CHIA: variants seen among roughly 807,000 people sequenced by gnomAD.
CHIA encodes the protein acidic mammalian chitinase.
In CHIA, 47 loss-of-function variants were observed where a neutral mutation model predicts 53.5. The observed-to-expected ratio is 0.88, with a 90% CI of 0.70 to 1.12. The LOEUF (loss-of-function observed/expected upper bound fraction) is 1.12, where lower values mean the gene tolerates loss of function less well. Ranked by LOEUF, CHIA falls within the 50% of genes most tolerant of loss-of-function variation. CHIA has a pLI of 0.00. For missense variants in CHIA, 652 were observed against 592.2 expected (o/e 1.10, Z -1.05); for synonymous variants, 268 against 222.2 (o/e 1.21, Z -1.83).
rs1648725602 is a variant in CHIA at position 111,312,099 on chromosome 1, CAGGG to C, written c.56-85_56-82del. 12 of 961,602 alleles carry C rather than the reference CAGGG, an allele frequency of 1.2e-5. No homozygotes were observed. In the South Asian group the frequency reaches 1.5e-4, roughly 12 times the overall value. 59.6% of individuals were successfully genotyped at this position (961,602 alleles called of 1,614,324 possible). A position where few individuals can be genotyped will look rare whatever the true frequency, so the allele number is the denominator to read the frequency against. On this transcript the variant is annotated intron_variant, in intron 3 of 11. Coordinates refer to ENST00000369740, the MANE Select transcript of CHIA (RefSeq NM_201653.4). ...ACACAGAGATCAGGCATCTGAGGCA[CAGGG>C]AGGGAAACAGAGGCAAGGCCAAAAC...
At chr1:111,293,699 C>T (rs1345889075) in intron 1 of CHIA, among the ~76,000 whole-genome samples, 1 of 152,154 alleles carries the variant, frequency 6.6e-6, no homozygotes, top group Non-Finnish European at 1.5e-5. Context: ...ATGTTTTCTT[C>T]TAAGAATTTT....
intron 2 of CHIA, among the ~76,000 whole-genome samples, chr1:111,311,349 G>T (rs1648653249): frequency 6.6e-6 from 1 of 152,198 alleles, no homozygotes; most frequent in Non-Finnish European, 1.5e-5. Context: ...TATCACTCAG[G>T]TAGGGGAAGA....
At chr1:111,312,791 C>G (rs1015040202) in intron 4 of CHIA, among the ~76,000 whole-genome samples, 1 of 151,990 alleles carries the variant, frequency 6.6e-6, no homozygotes, top group South Asian at 2.1e-4. Flanking sequence ...CCAACATGCC[C>G]CCCAACCCCC....
At position 111,311,719 on chromosome 1, in the gene CHIA, G is replaced by A. The variant is rs1386989568; in HGVS notation, c.55+1G>A. On this transcript the variant is annotated splice_donor_variant, in intron 3 of 11. Transcript: ENST00000369740. LOFTEE classifies it high-confidence loss of function. ...GTCCTTATACTGAATTTGCAGCTCG[G>A]TAAGTCATGGACTCCATGTTTTATC... The A allele has an allele frequency of 1.2e-6, 2 of 1,613,452 alleles. No individual in the cohort carries two copies. Among genetic ancestry groups the A allele is most frequent in the Non-Finnish European group, 1.7e-6 (2 of 1,179,702 alleles).
At chr1:111,317,832 T>G in intron 7 of CHIA, 27 bp downstream of exon 7, 1 of 1,613,688 alleles carries the variant, frequency 6.2e-7, no homozygotes. Flanking sequence ...ATCTTCAAAC[T>G]CCTGGAGGTG....
intron 4 of CHIA, among the ~76,000 whole-genome samples, chr1:111,312,716 C>A (rs1648787837): frequency 6.6e-6 from 1 of 152,080 alleles, no homozygotes; most frequent in South Asian, 2.1e-4. Flanking sequence ...ACAATAGTAA[C>A]CATGTTGTAC....
chr1:111,291,195 TAA>T (rs1227880048), intron 1 of CHIA, among the ~76,000 whole-genome samples: 3 of 152,108 alleles, frequency 2.0e-5, no homozygotes, highest in African/African-American at 4.8e-5. Context: ...CATTCTACTA[TAA>T]AGACACATGC....
chr1:111,315,854 G>A, intron 6 of CHIA: 1 of 448,114 alleles, frequency 2.2e-6, no homozygotes, highest in South Asian at 1.6e-5. Flanking sequence ...CATTACACTA[G>A]GCTGCCCGTT....
intron 1 of CHIA, among the ~76,000 whole-genome samples, chr1:111,301,722 AAAAAG>A (rs1484610012): frequency 1.3e-5 from 2 of 151,764 alleles, no homozygotes; most frequent in African/African-American, 2.4e-5. Context: ...AAAAAAAAAA[AAAAAG>A]ATGAGTTCCT....
chr1:111,304,338 C>T (rs1025600290), intron 1 of CHIA, among the ~76,000 whole-genome samples: 1 of 152,078 alleles, frequency 6.6e-6, no homozygotes, highest in Non-Finnish European at 1.5e-5. Context: ...TCCTTTCTTT[C>T]TCTTTTATTT....
At chr1:111,299,693 C>A (rs2101612127) in intron 1 of CHIA, among the ~76,000 whole-genome samples, 1 of 152,272 alleles carries the variant, frequency 6.6e-6, no homozygotes, top group South Asian at 2.1e-4. Flanking sequence ...CAGGGATGCC[C>A]TCTCTCACTA....
At chr1:111,306,144 A>G (rs1039615106) in intron 1 of CHIA, among the ~76,000 whole-genome samples, 1 of 152,198 alleles carries the variant, frequency 6.6e-6, no homozygotes, top group Non-Finnish European at 1.5e-5. Flanking sequence ...GAAGATTTTC[A>G]TTTTTTCCAA....
rs113779693 is a variant in CHIA, at chr1:111,305,811, A to G, written c.-68-4589A>G. ...AGCTAAGCATATTGGAAAAGAAGAA[A>G]GAAAGCTGCCATTATTCTCAGATGA... On this transcript the variant is annotated intron_variant, in intron 1 of 11. Transcript: ENST00000369740. Among the ~76,000 whole-genome samples the G allele has an allele frequency of 4.7e-3, 715 of 152,334 alleles. 1 individual carries two copies. Among genetic ancestry groups the G allele is most frequent in the Non-Finnish European group, 7.2e-3 (491 of 68,032 alleles).
At chr1:111,310,331 T>C (rs1648560808) in intron 1 of CHIA, 69 bp from the exon 2 acceptor site, 5 of 1,505,150 alleles carry the variant, frequency 3.3e-6, no homozygotes, top group Middle Eastern at 1.8e-4. Context: ...AGGGTGTTTG[T>C]AGAAGAGAAG....
At chr1:111,308,705 G>T (rs953113701) in intron 1 of CHIA, among the ~76,000 whole-genome samples, 4 of 152,094 alleles carry the variant, frequency 2.6e-5, no homozygotes, top group Admixed American at 2.0e-4. Context: ...TTTAATTCTT[G>T]TCATTCATAG....
chr1:111,298,373 A>G (rs1372480718), intron 1 of CHIA, among the ~76,000 whole-genome samples: 1 of 152,198 alleles, frequency 6.6e-6, no homozygotes, highest in Non-Finnish European at 1.5e-5. Context: ...ATGTAAAAGA[A>G]CAGAAATCAC....
At chr1:111,296,138 G>A (rs1284059708) in intron 1 of CHIA, among the ~76,000 whole-genome samples, 1 of 152,246 alleles carries the variant, frequency 6.6e-6, no homozygotes, top group Non-Finnish European at 1.5e-5. Flanking sequence ...GCAGGGCATA[G>A]CTGAACAAAA....
chr1:111,315,060 G>T, intron 5 of CHIA: 1 of 514,646 alleles, frequency 1.9e-6, no homozygotes, highest in East Asian at 3.2e-5. Context: ...GAGCAGAGTT[G>T]GGGGGATAAC....
intron 1 of CHIA, among the ~76,000 whole-genome samples, chr1:111,297,267 T>A (rs1174209203): frequency 6.6e-6 from 1 of 151,980 alleles, no homozygotes; most frequent in East Asian, 1.9e-4. Flanking sequence ...CCAAGACGCA[T>A]AATAGTCAGA....
Sources: allele counts gnomAD v4.1 joint callset (sites outside exome capture counted in the v4.1 genomes callset), GRCh38; gene constraint gnomAD v4.1.1; transcripts MANE v1.5; gene names NCBI Gene and HGNC (gene_info 2026-07-23, HGNC 2026-07-21).